Variants in UNC13C observed in about 807,000 individuals in gnomAD.
UNC13C encodes the protein protein unc-13 homolog C.
A neutral mutation model predicts 245.4 loss-of-function variants in UNC13C; 174 were observed. That is an observed-to-expected ratio of 0.71 (90% confidence interval 0.63 to 0.80). The LOEUF (loss-of-function observed/expected upper bound fraction) is 0.80, where lower values mean the gene tolerates loss of function less well. Ranked by LOEUF, UNC13C falls within the 30% of genes least tolerant of loss-of-function variation. UNC13C has a pLI of 0.00. For missense variants in UNC13C, 2,829 were observed against 2,602.9 expected (o/e 1.09, Z -1.89); for synonymous variants, 992 against 895.1 (o/e 1.11, Z -1.93).
chr15:54,068,078 A>T (rs1278585717), intron 2 of UNC13C, among the ~76,000 whole-genome samples: 3 of 152,174 alleles, frequency 2.0e-5, no homozygotes, highest in African/African-American at 7.2e-5. Flanking sequence ...TTCATTACCT[A>T]CATTGGTGAC....
intron 30 of UNC13C, among the ~76,000 whole-genome samples, chr15:54,607,083 T>C (rs1899807356): frequency 6.6e-6 from 1 of 152,324 alleles, no homozygotes; most frequent in Middle Eastern, 3.4e-3. Context: ...ATTTAGTTTT[T>C]TAAAACTTTT....
chr15:54,255,692 A>G (rs55804420), intron 8 of UNC13C, among the ~76,000 whole-genome samples: 3,792 of 152,262 alleles, frequency 0.025, 82 homozygotes, highest in East Asian at 0.072. Flanking sequence ...GGGAAATGCA[A>G]CATTTGGGCA....
At chr15:54,446,773 G>C (rs756905967) in intron 19 of UNC13C, among the ~76,000 whole-genome samples, 1 of 151,962 alleles carries the variant, frequency 6.6e-6, no homozygotes, top group Non-Finnish European at 1.5e-5. Context: ...CCAGTTGAAC[G>C]CCCTTTATTT....
At chr15:54,291,510 A>AAT (rs1239380808) in intron 10 of UNC13C, among the ~76,000 whole-genome samples, 5 of 152,020 alleles carry the variant, frequency 3.3e-5, no homozygotes, top group Non-Finnish European at 7.4e-5. Flanking sequence ...AATTGTCAAT[A>AAT]ATAGATATAT....
chr15:54,203,822 G>A lies in UNC13C; in HGVS notation c.3072-31208G>A, dbSNP rs939292310. Among the ~76,000 whole-genome samples the A allele has an allele frequency of 3.6e-3, 197 of 54,152 alleles. 3 individuals are homozygous for A. The East Asian group carries it at 0.085, about 23-fold the overall frequency. 35.5% of individuals were successfully genotyped at this position (54,152 alleles called of 152,430 possible). On this transcript the variant is annotated intron_variant, in intron 4 of 32. Transcript: ENST00000260323. ...TGTGTATATGTCTGTGTATATATAC[G>A]TGTATGTATATACACATACATATAC...
intron 4 of UNC13C, among the ~76,000 whole-genome samples, chr15:54,213,380 G>A (rs2034945850): frequency 6.6e-6 from 1 of 151,906 alleles, no homozygotes; most frequent in South Asian, 2.1e-4. Context: ...TATTTTGGAA[G>A]GGTTTTTAAT....
chr15:54,193,622 T>C (rs543656155), intron 4 of UNC13C, among the ~76,000 whole-genome samples: 1 of 152,252 alleles, frequency 6.6e-6, no homozygotes, highest in African/African-American at 2.4e-5. Context: ...CCATTCTGTT[T>C]TACTCTTTTC....
chr15:54,030,183 C>T (rs1482021468), intron 2 of UNC13C, among the ~76,000 whole-genome samples: 2 of 152,138 alleles, frequency 1.3e-5, no homozygotes, highest in Admixed American at 1.3e-4. Context: ...CCAAACTACC[C>T]ACCCCCATGT....
At chr15:54,213,139 T>A (rs988491544) in intron 4 of UNC13C, among the ~76,000 whole-genome samples, 1 of 152,058 alleles carries the variant, frequency 6.6e-6, no homozygotes, top group Non-Finnish European at 1.5e-5. Context: ...ATGCTTGTTT[T>A]TGCTTTAGTA....
At chr15:54,238,786 G>A (rs946322097) in intron 7 of UNC13C, among the ~76,000 whole-genome samples, 1 of 152,136 alleles carries the variant, frequency 6.6e-6, no homozygotes, top group Non-Finnish European at 1.5e-5. Flanking sequence ...TGTAAATTCT[G>A]ATTGAATGAA....
chr15:53,906,170 C>A, the UNC13C span, among the ~76,000 whole-genome samples: 3 of 151,962 alleles, frequency 2.0e-5, no homozygotes, highest in Admixed American at 1.3e-4. Flanking sequence ...CTTGTCCCTA[C>A]AAAAAATTAG....
At chr15:54,150,442 A>G (rs7497273) in intron 4 of UNC13C, among the ~76,000 whole-genome samples, 33,675 of 152,190 alleles carry the variant, frequency 0.22, 3,837 homozygotes, top group South Asian at 0.29. Context: ...TGCAGTCCTC[A>G]CGCAGAGCAA....
chr15:54,345,227 G>T (rs1478106467), intron 17 of UNC13C, among the ~76,000 whole-genome samples: 2 of 152,168 alleles, frequency 1.3e-5, no homozygotes, highest in Non-Finnish European at 2.9e-5. Flanking sequence ...CCGAGTAGGT[G>T]TTCACAAAAG....
At position 54,377,386 on chromosome 15, in the gene UNC13C, T is replaced by A. The variant is rs1450872838; in HGVS notation, c.4714-15662T>A. Among the ~76,000 whole-genome samples, 3 of 152,188 alleles carry A rather than the reference T, an allele frequency of 2.0e-5. No individual in the cohort carries two copies. In the East Asian group the frequency reaches 5.8e-4, roughly 29 times the overall value. On this transcript the variant is annotated intron_variant, in intron 17 of 32. Coordinates refer to ENST00000260323, the MANE Select transcript of UNC13C (RefSeq NM_001080534.3). The stretch of plus-strand genomic sequence containing the variant: ...AATAATTTGAAACTATCCTTAACCC[T>A]CCACACTTGTTAGGTGTGTACCCAA...
intron 2 of UNC13C, among the ~76,000 whole-genome samples, chr15:54,087,285 A>G (rs546264575): frequency 1.9e-4 from 29 of 152,194 alleles, no homozygotes; most frequent in Non-Finnish European, 3.7e-4. Context: ...CTAGTTCATC[A>G]TCAGTACAGG....
At chr15:54,301,157 G>T (rs1386211870) in intron 13 of UNC13C, among the ~76,000 whole-genome samples, 3 of 151,918 alleles carry the variant, frequency 2.0e-5, no homozygotes, top group Non-Finnish European at 2.9e-5. Context: ...TATATTAGAT[G>T]ACTTTTTTCA....
chr15:53,985,098 A>G (rs909186286), intron 1 of UNC13C, among the ~76,000 whole-genome samples: 1 of 151,384 alleles, frequency 6.6e-6, no homozygotes, highest in African/African-American at 2.4e-5. Context: ...CCCTCCCCTC[A>G]ATCCCCACCC....
intron 22 of UNC13C, among the ~76,000 whole-genome samples, chr15:54,505,192 C>G (rs1364644000): frequency 6.6e-6 from 1 of 152,166 alleles, no homozygotes; most frequent in Non-Finnish European, 1.5e-5. Flanking sequence ...GCACTATACT[C>G]TCTTCTGAAG....
chr15:54,356,791 T>C (rs776123785), intron 17 of UNC13C, among the ~76,000 whole-genome samples: 5 of 152,210 alleles, frequency 3.3e-5, no homozygotes, highest in Admixed American at 6.5e-5. Context: ...ATTGTCTTAA[T>C]AGTTTTTACA....
Sources: allele counts gnomAD v4.1 joint callset (sites outside exome capture counted in the v4.1 genomes callset), GRCh38; gene constraint gnomAD v4.1.1; transcripts MANE v1.5; gene names NCBI Gene and HGNC (gene_info 2026-07-23, HGNC 2026-07-21).